REL: variants seen among roughly 807,000 people sequenced by gnomAD.
REL encodes the protein proto-oncogene c-Rel.
A neutral mutation model predicts 45.9 loss-of-function variants in REL; 15 were observed. The observed-to-expected ratio is 0.33, with a 90% CI of 0.22 to 0.50. The LOEUF (loss-of-function observed/expected upper bound fraction) is 0.50, where lower values mean the gene tolerates loss of function less well. REL is among the 20% of genes least tolerant of loss of function. The pLI is 0.98. For missense variants in REL, 601 were observed against 715.2 expected, an observed-to-expected ratio of 0.84 and a Z score of 1.82; for synonymous variants, 239 against 242.1, an observed-to-expected ratio of 0.99 and a Z score of 0.12.
rs746844575 is a variant in REL at position 60,922,449 on chromosome 2, G to T, written c.1678G>T (p.Val560Phe). 5 of 1,613,978 alleles carry T rather than the reference G, an allele frequency of 3.1e-6. No individual in the cohort carries two copies. In the South Asian group the frequency reaches 5.5e-5, roughly 18 times the overall value. The change falls in exon 10 of 10, where the codon GTT (valine) becomes TTT (phenylalanine). Residue 560 changes from valine (V) to phenylalanine (F), a missense_variant. Physicochemically the swap from Val to Phe is conservative, Grantham distance 50. Around this residue, in one of 4 missense-constraint regions of REL, gnomAD observed 334 missense variants for 333.1 expected, o/e 1.00. Coordinates refer to ENST00000394479, the MANE Select transcript of REL (RefSeq NM_001291746.2). ...TACTAATCCAAACAGTCATGGTTTTGTTCAAGATAGTCAGTATTCAGGTAT... is the reference window on the plus strand; with the variant it reads ...TACTAATCCAAACAGTCATGGTTTTTTTCAAGATAGTCAGTATTCAGGTAT... ...NSTNPNSHGF[V>F]QDSQYSGIGS...
rs1421595851 is a variant in REL, at chr2:60,930,116, T to C, written c.*7581T>C. On this transcript the variant is annotated 3_prime_UTR_variant, in exon 10 of 10. Transcript: ENST00000394479. ...AAATAGCATGGAGAAATGGAAAGAA[T>C]AGGGACTTTTTACTCAGGTAATACC... 6.6e-6 allele frequency: 1 copy of C among 152,268 alleles called. No individual in the cohort carries two copies. Among genetic ancestry groups the C allele is most frequent in the East Asian group, 1.9e-4 (1 of 5,288 alleles). The allele number at this position is 152,268 out of a possible 1,614,324, so 9.4% of individuals were successfully genotyped here. A position where few individuals can be genotyped will look rare whatever the true frequency, so the allele number is the denominator to read the frequency against.
chr2:60,884,127 A>C (rs1388077559), intron 1 of REL, among the ~76,000 whole-genome samples: 1 of 150,238 alleles, frequency 6.7e-6, no homozygotes, highest in East Asian at 1.9e-4. Flanking sequence ...GAAATTGCTT[A>C]GTTTTTCATT....
chr2:60,931,095 A>T lies in REL; in HGVS notation c.*8560A>T, dbSNP rs1327400519. ...ATAGATAAGGTTGGAATATTTGAGG[A>T]TCCATTTGTGGAACTGAATTTAATG... On this transcript the variant is annotated 3_prime_UTR_variant, in exon 10 of 10. Coordinates refer to ENST00000394479, the MANE Select transcript of REL (RefSeq NM_001291746.2). The T allele has an allele frequency of 6.6e-6, 1 of 152,342 alleles. No individual in the cohort carries two copies. Among genetic ancestry groups the T allele is most frequent in the Admixed American group, 6.5e-5 (1 of 15,282 alleles). 9.4% of individuals were successfully genotyped at this position (152,342 alleles called of 1,614,324 possible). A position where few individuals can be genotyped will look rare whatever the true frequency, so the allele number is the denominator to read the frequency against.
chr2:60,889,861 G>C (rs1265617321), intron 1 of REL, among the ~76,000 whole-genome samples: 1 of 152,120 alleles, frequency 6.6e-6, no homozygotes, highest in Non-Finnish European at 1.5e-5. Context: ...TTGGACATTT[G>C]GGTTGGTTCC....
In REL at chr2:60,923,411, C is replaced by A. The variant is rs775971266; in HGVS notation, c.*876C>A. On this transcript the variant is annotated 3_prime_UTR_variant, in exon 10 of 10. Coordinates refer to ENST00000394479, the MANE Select transcript of REL (RefSeq NM_001291746.2). ...TTTAAGGGGAAGAAGTTTCCTTGGA[C>A]CATTCGCCTTTCTTAGATGTCCTCA... is the stretch of plus-strand genomic sequence containing the variant. 12 of 231,542 alleles carry A rather than the reference C, an allele frequency of 5.2e-5. No individual in the cohort carries two copies. The highest frequency in any genetic ancestry group is 1.0e-4 in the Non-Finnish European group (12 of 117,016). The allele number at this position is 231,542 out of a possible 1,614,324, so 14.3% of individuals were successfully genotyped here. A position where few individuals can be genotyped will look rare whatever the true frequency, so the allele number is the denominator to read the frequency against.
At chr2:60,883,974 G>T (rs1573308267) in intron 1 of REL, among the ~76,000 whole-genome samples, 1 of 143,196 alleles carries the variant, frequency 7.0e-6, no homozygotes, top group Non-Finnish European at 1.5e-5. Context: ...AAAAAAAAAT[G>T]TTTACAGGAA....
intron 4 of REL, 127 bp from the exon 5 acceptor site, chr2:60,916,750 C>G (rs186542712): frequency 1.7e-4 from 96 of 577,102 alleles, no homozygotes; most frequent in African/African-American, 1.4e-3. Flanking sequence ...GTATACTGTT[C>G]TATTTTTATT....
At chr2:60,901,714 C>T (rs149537145) in intron 4 of REL, among the ~76,000 whole-genome samples, 4 of 152,118 alleles carry the variant, frequency 2.6e-5, no homozygotes, top group Admixed American at 1.3e-4. Context: ...TACACTCCCC[C>T]CTTTTGAGTG....
chr2:60,884,048 A>G (rs1673012467), intron 1 of REL, among the ~76,000 whole-genome samples: 1 of 151,056 alleles, frequency 6.6e-6, no homozygotes, highest in African/African-American at 2.4e-5. Flanking sequence ...CACTAATAAA[A>G]TTCTAAATTC....
Position 60,924,115 on chromosome 2 carries a change from G to C in REL, c.*1580G>C, listed in dbSNP as rs1674212745. The C allele has an allele frequency of 4.3e-6, 1 of 231,380 alleles. No homozygotes were observed. The highest frequency in any genetic ancestry group is 2.2e-5 in the African/African-American group (1 of 45,248). The allele number at this position is 231,380 out of a possible 1,614,324, so 14.3% of individuals were successfully genotyped here. The stretch of plus-strand genomic sequence containing the variant: ...TGTTGTTCTCCCAGAAAAATGCATA[G>C]TTCACTCTTACATCCTTCAGGTGTC... On this transcript the variant is annotated 3_prime_UTR_variant, in exon 10 of 10. Transcript: ENST00000394479.
intron 1 of REL, among the ~76,000 whole-genome samples, chr2:60,889,613 C>T (rs370566295): frequency 2.0e-5 from 3 of 152,092 alleles, no homozygotes; most frequent in East Asian, 1.9e-4. Context: ...TTCCCTCCCC[C>T]CTTCCCCCAC....
rs1207584635 is a variant in REL at position 60,918,303 on chromosome 2, T to C, written c.640+8T>C. 4 of 1,570,036 alleles carry C rather than the reference T, an allele frequency of 2.5e-6. No individual in the cohort carries two copies. The highest frequency in any genetic ancestry group is 3.5e-6 in the Non-Finnish European group (4 of 1,147,838). On this transcript the variant is annotated splice_region_variant and intron_variant, in intron 6 of 9. Coordinates refer to ENST00000394479, the MANE Select transcript of REL (RefSeq NM_001291746.2). ...GTGACAAAGTTCAGAAAGGTATTTA[T>C]TTATTTCATTGAATTTAGAATAAAT... is the stretch of plus-strand genomic sequence containing the variant.
chr2:60,891,977 A>G, intron 2 of REL, 152 bp downstream of exon 2: 2 of 715,594 alleles, frequency 2.8e-6, no homozygotes, highest in Non-Finnish European at 2.2e-6. Flanking sequence ...TCTGTCAAAA[A>G]GACATCTATT....
In REL at chr2:60,931,296, C is replaced by A. The variant is rs1367232832; in HGVS notation, c.*8761C>A. 1 of 152,282 alleles carries A rather than the reference C, an allele frequency of 6.6e-6. No homozygotes were observed. Among genetic ancestry groups the A allele is most frequent in the Non-Finnish European group, 1.5e-5 (1 of 68,030 alleles). The allele number at this position is 152,282 out of a possible 1,614,324, so 9.4% of individuals were successfully genotyped here. On this transcript the variant is annotated 3_prime_UTR_variant, in exon 10 of 10. Coordinates refer to ENST00000394479, the MANE Select transcript of REL (RefSeq NM_001291746.2). ...CAGGTGAACCCTTTAGAAGTGATTT[C>A]TGTTTTAAAAGTATGTACTTAAAAT...
At chr2:60,896,619 A>C (rs1673358599) in intron 3 of REL, among the ~76,000 whole-genome samples, 1 of 152,226 alleles carries the variant, frequency 6.6e-6, no homozygotes, top group African/African-American at 2.4e-5. Context: ...ATAATAACAC[A>C]AAAGAAAATA....
At chr2:60,911,836 T>C (rs934654968) in intron 4 of REL, among the ~76,000 whole-genome samples, 2 of 151,312 alleles carry the variant, frequency 1.3e-5, no homozygotes, top group African/African-American at 4.8e-5. Flanking sequence ...CCATCTCTAC[T>C]TAAAATACAA....
chr2:60,918,673 T>C, intron 7 of REL, 67 bp downstream of exon 7: 2 of 1,072,982 alleles, frequency 1.9e-6, no homozygotes, highest in Non-Finnish European at 2.9e-6. Flanking sequence ...CATCTTCTTG[T>C]AATATTCATT....
intron 4 of REL, among the ~76,000 whole-genome samples, chr2:60,902,034 G>A (rs1450985013): frequency 3.3e-5 from 5 of 151,922 alleles, no homozygotes; most frequent in Non-Finnish European, 5.9e-5. Context: ...CTAGATGCTG[G>A]CATCCTATAC....
chr2:60,925,223 T>C lies in REL; in HGVS notation c.*2688T>C, dbSNP rs2103995432. ...TCCTAGCAAGAAACAGTCTGTCATT[T>C]TACTTACACGATGTCTAACCAAACC... On this transcript the variant is annotated 3_prime_UTR_variant, in exon 10 of 10. Transcript: ENST00000394479. The C allele has an allele frequency of 5.1e-6, 1 of 197,048 alleles. No homozygotes were observed. Among genetic ancestry groups the C allele is most frequent in the Middle Eastern group, 1.8e-3 (1 of 550 alleles). 12.2% of individuals were successfully genotyped at this position (197,048 alleles called of 1,614,324 possible).
Sources: gnomAD v4.1 joint callset for allele counts (sites outside exome capture counted in the v4.1 genomes callset) on GRCh38, gnomAD v4.1.1 for gene constraint, gnomAD v4.1.1 regional missense constraint, MANE v1.5 for transcripts, NCBI Gene and HGNC (gene_info 2026-07-23, HGNC 2026-07-21) for gene names.